The following RRP12 variants were observed in gnomAD, a reference collection of about 807,000 sequenced individuals.
RRP12 encodes the protein ribosomal RNA processing 12 homolog, also known as RRP12-like protein.
RRP12 carries 78 observed loss-of-function variants against 157.3 expected under a neutral mutation model. The observed-to-expected ratio is 0.50, with a 90% confidence interval of 0.41 to 0.60. The LOEUF is 0.60. Ranked by LOEUF, RRP12 falls within the 20% of genes least tolerant of loss-of-function variation. RRP12 has a pLI of 0.00. For missense variants in RRP12, 1,521 were observed against 1,679.9 expected (o/e 0.91, Z 1.65); for synonymous variants, 726 against 670.9 (o/e 1.08, Z -1.27).
chr10:97,393,105 G>C (rs1366698625), intron 4 of RRP12: 1 of 297,544 alleles, frequency 3.4e-6, no homozygotes, highest in Non-Finnish European at 6.7e-6. Flanking sequence ...TCGATCTCCT[G>C]ACCTCTTGAT....
intron 8 of RRP12, chr10:97,387,849 G>C: frequency 5.9e-6 from 1 of 170,048 alleles, no homozygotes; most frequent in South Asian, 1.0e-4. Flanking sequence ...GGCTGAGGCA[G>C]AAGAATCGCT....
At chr10:97,387,712 G>C (rs1054291568) in intron 8 of RRP12, among the ~76,000 whole-genome samples, 2 of 151,528 alleles carry the variant, frequency 1.3e-5, no homozygotes, top group African/African-American at 4.9e-5. Context: ...AGGTTGAGGC[G>C]GGCAGATCAC....
At chr10:97,369,391 C>T in intron 25 of RRP12, 34 bp downstream of exon 25, 1 of 1,604,338 alleles carries the variant, frequency 6.2e-7, no homozygotes, top group Non-Finnish European at 8.5e-7. Flanking sequence ...CAGAGGCCAC[C>T]CTGCTACCTG....
Position 97,364,117 on chromosome 10 carries a change from G to A in RRP12, c.3518-214C>T, listed in dbSNP as rs146172069. Among the ~76,000 whole-genome samples the A allele has an allele frequency of 5.5e-4, 83 of 152,216 alleles. 1 individual carries two copies. In the East Asian group the frequency reaches 0.011, roughly 21 times the overall value. The stretch of plus-strand genomic sequence containing the variant: ...TCCCACCCTAGGCCCTAGGGATAAC[G>A]GCCCCTCAAAGAAGCGGTGATCCTA... On this transcript the variant is annotated intron_variant, in intron 29 of 33. Transcript: ENST00000370992.
Position 97,390,466 on chromosome 10 carries a change from A to G in RRP12, c.710T>C (p.Val237Ala), listed in dbSNP as rs776065356. The G allele has an allele frequency of 7.4e-6, 12 of 1,614,000 alleles. No individual in the cohort carries two copies. Among genetic ancestry groups the G allele is most frequent in the Non-Finnish European group, 1.0e-5 (12 of 1,180,016 alleles). Reference protein sequence around the residue: ...EAWGYPVTLQVYHGLLSFTVH... With the variant: ...EAWGYPVTLQAYHGLLSFTVH... ...CGTGAAGCTCAGCAGCCCATGGTAC[A>G]CCTGAAGGGTCACGGGGTAGCCCCA... is the stretch of plus-strand genomic sequence containing the variant. The change falls in exon 6 of 34, where the codon GTG becomes GCG. Residue 237 changes from valine to alanine, a missense_variant. Val to Ala is a moderately conservative substitution (Grantham distance 64). Transcript: ENST00000370992.
chr10:97,386,954 C>T (rs767728281), intron 8 of RRP12, among the ~76,000 whole-genome samples: 2 of 151,804 alleles, frequency 1.3e-5, no homozygotes. Flanking sequence ...CACGCCACTG[C>T]ACTCCAGCCT....
At chr10:97,369,399 C>A (rs1312455074) in intron 25 of RRP12, 26 bp downstream of exon 25, 2 of 1,608,078 alleles carry the variant, frequency 1.2e-6, no homozygotes, top group Non-Finnish European at 1.7e-6. Context: ...ACCCTGCTAC[C>A]TGCTAAGGGG....
In RRP12 at chr10:97,373,565, C is replaced by G. The variant is rs369547420; in HGVS notation, c.2026+10G>C. Reference sequence around the variant, plus strand: ...CCTCCCCAGCCCCCACTCCCACAGCCCACACGTACCTGCCTGGCAGCCCTT... The same window carrying G: ...CCTCCCCAGCCCCCACTCCCACAGCGCACACGTACCTGCCTGGCAGCCCTT... On this transcript the variant is annotated intron_variant, in intron 17 of 33. Transcript: ENST00000370992. 2.5e-6 allele frequency: 4 copies of G among 1,588,356 alleles called. No homozygotes were observed. The highest frequency in any genetic ancestry group is 3.4e-6 in the Non-Finnish European group (4 of 1,164,474).
intron 21 of RRP12, 26 bp downstream of exon 21, chr10:97,370,897 A>C: frequency 1.2e-6 from 2 of 1,613,082 alleles, no homozygotes; most frequent in Non-Finnish European, 1.7e-6. Flanking sequence ...CTCCCTCGGC[A>C]GAGCGGGTGG....
At chr10:97,365,984 A>G in intron 29 of RRP12, 124 bp downstream of exon 29, 1 of 1,329,718 alleles carries the variant, frequency 7.5e-7, no homozygotes, top group Non-Finnish European at 1.0e-6. Context: ...GAAACTCAAA[A>G]AGTTTGAGGA....
At chr10:97,388,756 C>A in intron 6 of RRP12, 132 bp from the exon 7 acceptor site, 2 of 1,089,552 alleles carry the variant, frequency 1.8e-6, no homozygotes, top group East Asian at 2.5e-5. Context: ...ACTATAGATC[C>A]AGTGCTACAC....
chr10:97,370,895 G>A (rs779872942), intron 21 of RRP12, 28 bp downstream of exon 21: 13 of 1,612,854 alleles, frequency 8.1e-6, no homozygotes, highest in South Asian at 7.7e-5. Flanking sequence ...GGCTCCCTCG[G>A]CAGAGCGGGT....
intron 2 of RRP12, 113 bp from the exon 3 acceptor site, chr10:97,396,414 C>T (rs1049674384): frequency 2.5e-6 from 2 of 807,612 alleles, no homozygotes; most frequent in Admixed American, 4.0e-5. Context: ...CAGAGACAGA[C>T]AAGACAGGCA....
Position 97,401,318 on chromosome 10 carries a change from T to A in RRP12, c.-87A>T. 1 of 1,502,412 alleles carries A rather than the reference T, an allele frequency of 6.7e-7. No homozygotes were observed. 93.1% of individuals were successfully genotyped at this position (1,502,412 alleles called of 1,614,324 possible). ...GCTCAGAACCCACGTGGATACCCTG[T>A]AGCCTTCACTTCCTCTTCTTCTGGC... On this transcript the variant is annotated 5_prime_UTR_variant, in exon 1 of 34. Transcript: ENST00000370992.
chr10:97,366,694 C>T (rs773380542), intron 27 of RRP12, 48 bp downstream of exon 27: 1 of 1,601,674 alleles, frequency 6.2e-7, no homozygotes, highest in South Asian at 1.1e-5. Context: ...CTGGGCAGGC[C>T]CTTGGGTTGG....
chr10:97,393,757 T>C lies in RRP12; in HGVS notation c.457A>G (p.Thr153Ala), dbSNP rs980998409. The stretch of plus-strand genomic sequence containing the variant: ...GGGGACTCCACTGCTTCCATTGTTG[T>C]CATCTGAGGGCCAGATTGAGGGGGT... ...TETEYFAALM[T>A]TMEAVESPES... The change falls in exon 4 of 34, where the codon ACA becomes GCA. Residue 153 changes from threonine (T) to alanine (A), a missense_variant. By Grantham distance (58) the Thr-to-Ala change is moderately conservative. Coordinates refer to ENST00000370992, the MANE Select transcript of RRP12 (RefSeq NM_015179.4). 2 of 1,613,702 alleles carry C rather than the reference T, an allele frequency of 1.2e-6. No individual in the cohort carries two copies. Among genetic ancestry groups the C allele is most frequent in the Non-Finnish European group, 8.5e-7 (1 of 1,179,860 alleles).
At chr10:97,366,347 C>G in intron 28 of RRP12, 99 bp downstream of exon 28, 1 of 1,560,918 alleles carries the variant, frequency 6.4e-7, no homozygotes, top group East Asian at 2.3e-5. Context: ...TCAGCCCTGT[C>G]CATGGGCCTG....
chr10:97,375,348 T>G (rs951239530), intron 15 of RRP12, among the ~76,000 whole-genome samples: 3 of 152,080 alleles, frequency 2.0e-5, no homozygotes, highest in Non-Finnish European at 4.4e-5. Flanking sequence ...ACACAATCCT[T>G]CTGCCTCAGA....
At position 97,400,512 on chromosome 10, in the gene RRP12, A is replaced by G. The variant is rs756246968; in HGVS notation, c.162T>C (p.Asp54=). Reference sequence around the variant, plus strand: ...GCAGCTCATTATGTAACTTCACAGCATCGACTGTCAGGTCACTCCTTCCTG... The same window carrying G: ...GCAGCTCATTATGTAACTTCACAGCGTCGACTGTCAGGTCACTCCTTCCTG... ...RPSGRSDLTV[D]AVKLHNELQS... is the part of the protein sequence containing the mutation. Residue 54 remains aspartate, a synonymous_variant, in exon 2 of 34, where the codon GAT becomes GAC. Coordinates refer to ENST00000370992, the MANE Select transcript of RRP12 (RefSeq NM_015179.4). 3.1e-6 allele frequency: 5 copies of G among 1,613,882 alleles called. No homozygotes were observed. Among genetic ancestry groups the G allele is most frequent in the Non-Finnish European group, 4.2e-6 (5 of 1,179,962 alleles).
Sources: allele counts gnomAD v4.1 joint callset (sites outside exome capture counted in the v4.1 genomes callset), GRCh38; gene constraint gnomAD v4.1.1; transcripts MANE v1.5; gene names NCBI Gene and HGNC (gene_info 2026-07-23, HGNC 2026-07-21).